CCDC7: variants seen among roughly 807,000 people sequenced by gnomAD.
CCDC7 encodes coiled-coil domain-containing protein 7.
In CCDC7, 183 loss-of-function variants were observed where a neutral mutation model predicts 196.9. That is an observed-to-expected ratio of 0.93 (90% confidence interval 0.82 to 1.05). CCDC7 has a LOEUF of 1.05. CCDC7 is among the 50% of genes least tolerant of loss of function. The probability of loss-of-function intolerance (pLI) is 0.00; values close to 1 mark genes in which losing one functional copy is unlikely to be tolerated. For missense variants in CCDC7, 1,540 were observed against 1,482.2 expected (o/e 1.04, Z -0.64); for synonymous variants, 525 against 484.6 (o/e 1.08, Z -1.10).
chr10:32,547,786 T>C (rs1044353681), intron 13 of CCDC7, among the ~76,000 whole-genome samples: 60 of 152,200 alleles, frequency 3.9e-4, no homozygotes, highest in African/African-American at 1.4e-3. Context: ...TTGTCATTTA[T>C]TTATTTTTAA....
At chr10:32,552,199 C>T (rs2053587184) in intron 13 of CCDC7, among the ~76,000 whole-genome samples, 1 of 152,144 alleles carries the variant, frequency 6.6e-6, no homozygotes, top group Admixed American at 6.5e-5. Flanking sequence ...GTTTGTTTGT[C>T]TGATGTAAGA....
chr10:32,623,524 A>T (rs184983142), intron 18 of CCDC7, among the ~76,000 whole-genome samples: 1 of 152,128 alleles, frequency 6.6e-6, no homozygotes, highest in Admixed American at 6.6e-5. Flanking sequence ...TTTGTTTTTA[A>T]CACTTTAGTA....
intron 28 of CCDC7, among the ~76,000 whole-genome samples, chr10:32,729,917 G>A (rs1029074707): frequency 1.3e-5 from 2 of 151,556 alleles, no homozygotes; most frequent in Non-Finnish European, 2.9e-5. Context: ...ATCATATTAT[G>A]TTTAACTTCT....
At chr10:32,757,735 C>A (rs1442554915) in intron 28 of CCDC7, among the ~76,000 whole-genome samples, 3 of 151,826 alleles carry the variant, frequency 2.0e-5, no homozygotes, top group Non-Finnish European at 4.4e-5. Flanking sequence ...TAGCAGAAGG[C>A]CAAAAATAAC....
At chr10:32,606,122 G>A (rs1241715680) in intron 18 of CCDC7, among the ~76,000 whole-genome samples, 5 of 152,250 alleles carry the variant, frequency 3.3e-5, no homozygotes, top group African/African-American at 1.2e-4. Flanking sequence ...TGGGTGCAAA[G>A]GGCCCCAGAT....
At chr10:32,461,646 TATA>T in intron 3 of CCDC7, among the ~76,000 whole-genome samples, 1 of 148,796 alleles carries the variant, frequency 6.7e-6, no homozygotes, top group African/African-American at 2.5e-5. Context: ...ATGAAAAAAA[TATA>T]ATGCTCCTCT....
chr10:32,868,466 A>G (rs1342641885), intron 41 of CCDC7, among the ~76,000 whole-genome samples: 1 of 151,898 alleles, frequency 6.6e-6, no homozygotes, highest in African/African-American at 2.4e-5. Flanking sequence ...TTTTCTTACT[A>G]TGTGAATGGA....
intron 8 of CCDC7, among the ~76,000 whole-genome samples, chr10:32,487,098 G>A (rs1387448761): frequency 6.6e-6 from 1 of 152,062 alleles, no homozygotes; most frequent in Non-Finnish European, 1.5e-5. Flanking sequence ...TTCCAACTTG[G>A]TTCCATTCTC....
intron 9 of CCDC7, among the ~76,000 whole-genome samples, chr10:32,494,388 T>G (rs1289939900): frequency 6.6e-6 from 1 of 150,942 alleles, no homozygotes; most frequent in Non-Finnish European, 1.5e-5. Context: ...CTATGTCTGT[T>G]TTTTTTTTTC....
chr10:32,692,394 A>G (rs1426441467), intron 23 of CCDC7, among the ~76,000 whole-genome samples: 1 of 152,264 alleles, frequency 6.6e-6, no homozygotes, highest in African/African-American at 2.4e-5. Flanking sequence ...GTCAGAATTG[A>G]AAAGCTCATG....
intron 20 of CCDC7, among the ~76,000 whole-genome samples, chr10:32,649,987 G>T (rs570353426): frequency 6.6e-6 from 1 of 152,156 alleles, no homozygotes; most frequent in African/African-American, 2.4e-5. Context: ...TTGCCGTCAA[G>T]ATTCTGAATT....
intron 28 of CCDC7, among the ~76,000 whole-genome samples, chr10:32,762,191 G>A (rs758548011): frequency 6.6e-6 from 1 of 151,920 alleles, no homozygotes; most frequent in Non-Finnish European, 1.5e-5. Context: ...CTGTCAGAAG[G>A]TTTGGCTCTT....
intron 25 of CCDC7, among the ~76,000 whole-genome samples, chr10:32,726,246 T>G (rs1328619053): frequency 6.6e-6 from 1 of 152,020 alleles, no homozygotes; most frequent in Non-Finnish European, 1.5e-5. Context: ...CCTTTATTAT[T>G]TTTACATAAT....
intron 29 of CCDC7, among the ~76,000 whole-genome samples, chr10:32,803,952 A>G (rs1296621307): frequency 6.6e-6 from 1 of 152,152 alleles, no homozygotes; most frequent in Admixed American, 6.5e-5. Flanking sequence ...TTAAATGGGT[A>G]AATTATATAG....
intron 18 of CCDC7, among the ~76,000 whole-genome samples, chr10:32,609,672 A>G (rs1371099810): frequency 6.6e-6 from 1 of 152,204 alleles, no homozygotes. Context: ...GAGGTGGGGC[A>G]TGGTGGGAGG....
At chr10:32,822,202 A>G (rs1199662482) in intron 31 of CCDC7, among the ~76,000 whole-genome samples, 1 of 152,212 alleles carries the variant, frequency 6.6e-6, no homozygotes, top group Non-Finnish European at 1.5e-5. Context: ...TATGAGTTAA[A>G]TGTTATAATT....
intron 30 of CCDC7, among the ~76,000 whole-genome samples, chr10:32,812,761 A>G (rs1023968524): frequency 3.3e-5 from 5 of 152,114 alleles, no homozygotes; most frequent in Non-Finnish European, 7.4e-5. Flanking sequence ...ATTTAACCCA[A>G]TATTTCCTCA....
At chr10:32,646,578 T>A (rs997543581) in intron 20 of CCDC7, among the ~76,000 whole-genome samples, 3 of 152,208 alleles carry the variant, frequency 2.0e-5, no homozygotes, top group African/African-American at 7.2e-5. Flanking sequence ...ATATTTTCAT[T>A]TTTTTATTTC....
intron 8 of CCDC7, among the ~76,000 whole-genome samples, chr10:32,488,092 A>G (rs888733153): frequency 2.6e-5 from 4 of 152,348 alleles, no homozygotes; most frequent in Non-Finnish European, 2.9e-5. Context: ...GGTGGAGTCT[A>G]CAGAGGCAGA....
Sources: gnomAD v4.1 joint callset for allele counts (sites outside exome capture counted in the v4.1 genomes callset) on GRCh38, gnomAD v4.1.1 for gene constraint, MANE v1.5 for transcripts, NCBI Gene and HGNC (gene_info 2026-07-23, HGNC 2026-07-21) for gene names.